Variants in PDE7B observed in about 807,000 individuals in gnomAD.
PDE7B encodes 3',5'-cyclic-AMP phosphodiesterase 7B.
PDE7B carries 29 observed loss-of-function variants against 56.2 expected under a neutral mutation model. The observed-to-expected ratio is 0.52, with a 90% CI of 0.38 to 0.70. The LOEUF (loss-of-function observed/expected upper bound fraction) is 0.70. PDE7B is among the 30% of genes least tolerant of loss of function. PDE7B has a pLI of 0.00. For synonymous variants in PDE7B, 197 were observed against 196.9 expected (o/e 1.00, Z 0.00); for missense variants, 490 against 565.0 (o/e 0.87, Z 1.35).
Position 135,994,076 on chromosome 6 carries a change from A to G in PDE7B, c.82+46552A>G, listed in dbSNP as rs548716998. On this transcript the variant is annotated intron_variant, in intron 2 of 12. Coordinates refer to ENST00000308191, the MANE Select transcript of PDE7B (RefSeq NM_018945.4). ...CTCCTGCAGAAGTAAACTCATAGAA[A>G]TTATACTAAGAACTAAAGTTGCCTG... 2.7e-3 allele frequency among the ~76,000 whole-genome samples: 417 copies of G among 151,810 alleles called. 2 individuals are homozygous for G. The highest frequency in any genetic ancestry group is 9.3e-3 in the African/African-American group (386 of 41,372).
Position 136,190,833 on chromosome 6 carries a change from C to A in PDE7B, c.1127-781C>A, listed in dbSNP as rs75441892. 5.4e-3 allele frequency among the ~76,000 whole-genome samples: 822 copies of A among 152,178 alleles called. 15 individuals are homozygous for A. The highest frequency in any genetic ancestry group is 0.043 in the East Asian group (221 of 5,172). On this transcript the variant is annotated intron_variant, in intron 12 of 12. Transcript: ENST00000308191. ...GTATTGAAAATGAGTGAACTTTAAA[C>A]TTAGTTATTTAACATAACTGAAAGC...
At chr6:136,174,290 A>G (rs990488965) in intron 9 of PDE7B, among the ~76,000 whole-genome samples, 6 of 152,206 alleles carry the variant, frequency 3.9e-5, no homozygotes, top group African/African-American at 9.6e-5. Context: ...TCAAAAAAGT[A>G]TATTTTGTAA....
intron 2 of PDE7B, among the ~76,000 whole-genome samples, chr6:135,960,903 A>G (rs1301012578): frequency 6.6e-6 from 1 of 152,268 alleles, no homozygotes; most frequent in East Asian, 1.9e-4. Context: ...ATATAGATGT[A>G]GTTCATTCTT....
At chr6:135,872,573 A>T (rs9389339) in intron 1 of PDE7B, among the ~76,000 whole-genome samples, 25,355 of 152,074 alleles carry the variant, frequency 0.17, 4,038 homozygotes, top group African/African-American at 0.41. Context: ...CTATACTGTC[A>T]GATTAATGCT....
At chr6:136,029,164 T>C (rs1776198350) in intron 2 of PDE7B, among the ~76,000 whole-genome samples, 1 of 152,256 alleles carries the variant, frequency 6.6e-6, no homozygotes, top group Non-Finnish European at 1.5e-5. Context: ...TTATAAATTA[T>C]GTTCAATCCA....
chr6:136,123,488 A>C lies in PDE7B; in HGVS notation c.166+14674A>C, dbSNP rs558698400. 1.2e-4 allele frequency among the ~76,000 whole-genome samples: 19 copies of C among 152,358 alleles called. 1 individual carries two copies. The highest frequency in any genetic ancestry group is 4.3e-4 in the African/African-American group (18 of 41,594). On this transcript the variant is annotated intron_variant, in intron 3 of 12. Coordinates refer to ENST00000308191, the MANE Select transcript of PDE7B (RefSeq NM_018945.4). Reference sequence around the variant, plus strand: ...TAGAAAATCATTTTTACAGGCAAATAGATTATAACATCTCAGAAGGAAATG... The same window carrying C: ...TAGAAAATCATTTTTACAGGCAAATCGATTATAACATCTCAGAAGGAAATG...
At chr6:135,976,294 G>A (rs1255713387) in intron 2 of PDE7B, among the ~76,000 whole-genome samples, 1 of 152,134 alleles carries the variant, frequency 6.6e-6, no homozygotes, top group Non-Finnish European at 1.5e-5. Context: ...TGGGCCACTT[G>A]AGGAAGGAGC....
chr6:135,885,737 G>T (rs1200736367), intron 1 of PDE7B, among the ~76,000 whole-genome samples: 1 of 152,148 alleles, frequency 6.6e-6, no homozygotes, highest in Non-Finnish European at 1.5e-5. Context: ...GCACAAAATA[G>T]AATTGTAATG....
chr6:136,153,981 A>T, intron 6 of PDE7B, 94 bp from the exon 7 acceptor site: 1 of 762,242 alleles, frequency 1.3e-6, no homozygotes, highest in Non-Finnish European at 2.3e-6. Context: ...GGAGGCACTG[A>T]TATTTTTAAG....
chr6:136,069,066 C>A (rs1347490538), intron 2 of PDE7B, among the ~76,000 whole-genome samples: 1 of 152,140 alleles, frequency 6.6e-6, no homozygotes, highest in Non-Finnish European at 1.5e-5. Flanking sequence ...GCATGTCCAA[C>A]CACCCCTTCC....
At chr6:136,145,397 AC>A (rs1778397643) in intron 3 of PDE7B, among the ~76,000 whole-genome samples, 1 of 152,138 alleles carries the variant, frequency 6.6e-6, no homozygotes, top group Non-Finnish European at 1.5e-5. Flanking sequence ...ACAAGGTGCT[AC>A]AGTTCATCTG....
intron 2 of PDE7B, chr6:136,044,257 C>T (rs1215043548): frequency 2.0e-5 from 3 of 152,116 alleles, no homozygotes; most frequent in African/African-American, 4.8e-5. Context: ...ACATTTCTTC[C>T]TCTCCTTCTA....
chr6:135,930,815 A>G (rs1406036224), intron 1 of PDE7B, among the ~76,000 whole-genome samples: 3 of 152,148 alleles, frequency 2.0e-5, no homozygotes, highest in Non-Finnish European at 4.4e-5. Flanking sequence ...ACTACAATAT[A>G]CTTTCATGAT....
chr6:136,050,076 G>A (rs1776597829), intron 2 of PDE7B, among the ~76,000 whole-genome samples: 1 of 152,102 alleles, frequency 6.6e-6, no homozygotes, highest in Non-Finnish European at 1.5e-5. Context: ...ACTCAGCCAC[G>A]CTGCTGGTCA....
chr6:136,062,667 C>A (rs1479169836), intron 2 of PDE7B, among the ~76,000 whole-genome samples: 1 of 152,180 alleles, frequency 6.6e-6, no homozygotes, highest in Non-Finnish European at 1.5e-5. Flanking sequence ...TCATTACAGG[C>A]ACGAGAAGAG....
intron 2 of PDE7B, among the ~76,000 whole-genome samples, chr6:136,053,100 G>A (rs781752479): frequency 1.3e-5 from 2 of 152,060 alleles, no homozygotes; most frequent in Non-Finnish European, 2.9e-5. Context: ...GGGTACATGT[G>A]CACAATGTGC....
intron 4 of PDE7B, among the ~76,000 whole-genome samples, chr6:136,148,459 G>A (rs985514659): frequency 2.3e-5 from 3 of 130,840 alleles, no homozygotes; most frequent in African/African-American, 7.6e-5. Context: ...GAGGGAGGGA[G>A]GGAAGGAAGG....
In PDE7B at chr6:136,052,374, G is replaced by T. The variant is rs373605442; in HGVS notation, c.83-56357G>T. ...GCTTCGGGTATGTGGAGCAGTTTTT[G>T]ATGAGGACTGTCAGTCTGGTACTGG... On this transcript the variant is annotated intron_variant, in intron 2 of 12. Transcript: ENST00000308191. 4.5e-4 allele frequency among the ~76,000 whole-genome samples: 68 copies of T among 152,350 alleles called. 1 individual carries two copies. The South Asian group carries it at 0.013, about 30-fold the overall frequency.
At chr6:136,123,536 A>G (rs781355795) in intron 3 of PDE7B, among the ~76,000 whole-genome samples, 121 of 152,238 alleles carry the variant, frequency 7.9e-4, no homozygotes, top group Admixed American at 3.7e-3. Context: ...AGTGCTGCCT[A>G]ATATATTAAA....
Sources: gnomAD v4.1 joint callset for allele counts (sites outside exome capture counted in the v4.1 genomes callset) on GRCh38, gnomAD v4.1.1 for gene constraint, MANE v1.5 for transcripts, NCBI Gene and HGNC (gene_info 2026-07-23, HGNC 2026-07-21) for gene names.